The following NKAIN2 variants were observed in gnomAD, a reference collection of about 807,000 sequenced individuals.
The protein encoded by NKAIN2 is sodium/potassium-transporting ATPase subunit beta-1-interacting protein 2.
In NKAIN2, 14 loss-of-function variants were observed where a neutral mutation model predicts 32.6. The ratio of observed to expected loss-of-function variants is 0.43; its 90% CI spans 0.28 to 0.67. The LOEUF (loss-of-function observed/expected upper bound fraction) is 0.67, where lower values mean the gene tolerates loss of function less well. NKAIN2 is among the 30% of genes least tolerant of loss of function. The pLI, the probability that NKAIN2 is intolerant of heterozygous loss-of-function variation, is 0.17. For missense variants in NKAIN2, 198 were observed against 258.3 expected, an observed-to-expected ratio of 0.77 and a Z score of 1.60; for synonymous variants, 80 against 87.2, an observed-to-expected ratio of 0.92 and a Z score of 0.46.
chr6:123,969,661 AG>A (rs1562283661), intron 1 of NKAIN2, among the ~76,000 whole-genome samples: 3 of 152,222 alleles, frequency 2.0e-5, no homozygotes, highest in Non-Finnish European at 4.4e-5. Context: ...CACATTTATC[AG>A]GAAAGCAAAA....
At chr6:124,715,605 T>G (rs564525907) in intron 4 of NKAIN2, among the ~76,000 whole-genome samples, 15 of 152,038 alleles carry the variant, frequency 9.9e-5, no homozygotes, top group Non-Finnish European at 1.6e-4. Context: ...CAGGTGGGAG[T>G]CACTGAGGTG....
At chr6:124,486,092 A>G (rs1034699513) in intron 3 of NKAIN2, among the ~76,000 whole-genome samples, 3 of 152,182 alleles carry the variant, frequency 2.0e-5, no homozygotes, top group Non-Finnish European at 4.4e-5. Flanking sequence ...CTTCCCTGTC[A>G]TCCTCATTTG....
chr6:123,876,723 A>G (rs1773188087), intron 1 of NKAIN2, among the ~76,000 whole-genome samples: 1 of 152,140 alleles, frequency 6.6e-6, no homozygotes, highest in South Asian at 2.1e-4. Flanking sequence ...TATTCTATTC[A>G]AGTCCTCCAG....
chr6:124,643,665 T>C (rs1008001430), intron 3 of NKAIN2, among the ~76,000 whole-genome samples: 2 of 152,208 alleles, frequency 1.3e-5, no homozygotes, highest in African/African-American at 4.8e-5. Flanking sequence ...TTAATATTTG[T>C]GTAACTAACT....
At chr6:124,026,163 TTTGGGTC>T (rs1213939269) in intron 1 of NKAIN2, among the ~76,000 whole-genome samples, 11 of 152,218 alleles carry the variant, frequency 7.2e-5, no homozygotes, top group African/African-American at 2.7e-4. Context: ...TTTGGGGGTT[TTTGGGTC>T]TTTATTTTTG....
At chr6:123,997,530 G>A (rs749247412) in intron 1 of NKAIN2, among the ~76,000 whole-genome samples, 2 of 151,758 alleles carry the variant, frequency 1.3e-5, no homozygotes, top group African/African-American at 2.4e-5. Flanking sequence ...AAGAAAGGAC[G>A]TGGCAGTTTG....
At chr6:124,672,330 C>T (rs1328170660) in intron 4 of NKAIN2, among the ~76,000 whole-genome samples, 2 of 151,956 alleles carry the variant, frequency 1.3e-5, no homozygotes, top group Non-Finnish European at 2.9e-5. Context: ...CAGGAGTGTC[C>T]AATGTGGGAA....
At chr6:124,240,032 A>T (rs896235346) in intron 1 of NKAIN2, among the ~76,000 whole-genome samples, 1 of 152,208 alleles carries the variant, frequency 6.6e-6, no homozygotes, top group Non-Finnish European at 1.5e-5. Flanking sequence ...AGAAGAATCA[A>T]ATAGGCACAA....
intron 3 of NKAIN2, among the ~76,000 whole-genome samples, chr6:124,546,190 G>A (rs1275593998): frequency 6.6e-6 from 1 of 152,096 alleles, no homozygotes; most frequent in Admixed American, 6.6e-5. Context: ...CTTAATAGAA[G>A]CAATGTTAAT....
At chr6:123,826,337 A>G (rs1774146805) in intron 1 of NKAIN2, among the ~76,000 whole-genome samples, 1 of 152,178 alleles carries the variant, frequency 6.6e-6, no homozygotes, top group Non-Finnish European at 1.5e-5. Context: ...CTGGAGATTC[A>G]GCTTTTTTAA....
intron 1 of NKAIN2, among the ~76,000 whole-genome samples, chr6:123,895,693 A>T (rs1436986487): frequency 6.6e-6 from 1 of 152,238 alleles, no homozygotes; most frequent in East Asian, 1.9e-4. Flanking sequence ...TAAAAGTATT[A>T]TGAGATAGTA....
At chr6:124,244,068 T>TC (rs1321215514) in intron 1 of NKAIN2, among the ~76,000 whole-genome samples, 1 of 141,164 alleles carries the variant, frequency 7.1e-6, no homozygotes, top group African/African-American at 2.7e-5. Flanking sequence ...AAAGATATCT[T>TC]TTTTTTTTAA....
At chr6:124,003,829 TGA>T (rs1332675710) in intron 1 of NKAIN2, among the ~76,000 whole-genome samples, 1 of 151,922 alleles carries the variant, frequency 6.6e-6, no homozygotes, top group Non-Finnish European at 1.5e-5. Context: ...TCTCAACAGG[TGA>T]ATGGAGGTCT....
intron 4 of NKAIN2, among the ~76,000 whole-genome samples, chr6:124,770,785 G>A (rs1258224728): frequency 6.6e-6 from 1 of 152,020 alleles, no homozygotes; most frequent in Non-Finnish European, 1.5e-5. Flanking sequence ...AGGTACTTTT[G>A]CACTAGCCCA....
At chr6:124,288,922 A>T (rs750318863) in intron 2 of NKAIN2, among the ~76,000 whole-genome samples, 10 of 152,114 alleles carry the variant, frequency 6.6e-5, no homozygotes, top group Non-Finnish European at 1.3e-4. Flanking sequence ...AGACTACAAT[A>T]ACTAATTCTA....
At chr6:124,812,403 C>T (rs995957188) in intron 5 of NKAIN2, among the ~76,000 whole-genome samples, 5 of 152,078 alleles carry the variant, frequency 3.3e-5, no homozygotes, top group East Asian at 1.9e-4. Context: ...GAGTGTCTTC[C>T]GTGAGCCAGA....
At chr6:123,827,769 A>C (rs746427733) in intron 1 of NKAIN2, among the ~76,000 whole-genome samples, 1 of 152,104 alleles carries the variant, frequency 6.6e-6, no homozygotes, top group Admixed American at 6.6e-5. Flanking sequence ...TCTAGAGACA[A>C]AGGTAGGGAT....
chr6:124,447,206 GCTGAGAA>G (rs1338271246), intron 3 of NKAIN2, among the ~76,000 whole-genome samples: 1 of 152,076 alleles, frequency 6.6e-6, no homozygotes, highest in African/African-American at 2.4e-5. Context: ...ATAGAACTCT[GCTGAGAA>G]TGCCCCCGTT....
chr6:124,626,588 C>T (rs1783356582), intron 3 of NKAIN2, among the ~76,000 whole-genome samples: 1 of 152,126 alleles, frequency 6.6e-6, no homozygotes, highest in Non-Finnish European at 1.5e-5. Context: ...TTATTAAATG[C>T]TTCCCACATG....
Sources: gnomAD v4.1 joint callset for allele counts (sites outside exome capture counted in the v4.1 genomes callset) on GRCh38, gnomAD v4.1.1 for gene constraint, MANE v1.5 for transcripts, NCBI Gene and HGNC (gene_info 2026-07-23, HGNC 2026-07-21) for gene names.